CPNE4: variants seen among roughly 807,000 people sequenced by gnomAD.
CPNE4 encodes the protein copine 4.
Under a neutral mutation model 67.9 loss-of-function variants are expected in CPNE4, and 25 were observed. The ratio of observed to expected loss-of-function variants is 0.37; its 90% CI spans 0.27 to 0.51. The LOEUF is 0.51. CPNE4 is among the 20% of genes least tolerant of loss of function. The pLI, the probability that CPNE4 is intolerant of heterozygous loss-of-function variation, is 0.93. For synonymous variants in CPNE4, 242 were observed against 244.9 expected (o/e 0.99, Z 0.11); for missense variants, 464 against 690.8 (o/e 0.67, Z 3.68).
upstream of CPNE4, chr3:132,035,130 C>T: frequency 2.2e-6 from 2 of 908,750 alleles, no homozygotes; most frequent in Non-Finnish European, 2.6e-6. Flanking sequence ...GCTCAGGCCC[C>T]GCCCAGGCCT....
At chr3:131,604,841 G>A (rs1939406647) in intron 7 of CPNE4, among the ~76,000 whole-genome samples, 1 of 152,064 alleles carries the variant, frequency 6.6e-6, no homozygotes, top group Admixed American at 6.6e-5. Flanking sequence ...TATGTGCAAT[G>A]TGGGTTCCAA....
upstream of CPNE4, among the ~76,000 whole-genome samples, chr3:132,035,653 T>C (rs1159897264): frequency 6.6e-6 from 1 of 152,176 alleles, no homozygotes; most frequent in Non-Finnish European, 1.5e-5. Context: ...AGAGAGAAAG[T>C]ATGGCCTTCC....
intron 1 of CPNE4, among the ~76,000 whole-genome samples, chr3:131,973,256 T>C (rs748161135): frequency 1.1e-4 from 17 of 152,186 alleles, no homozygotes; most frequent in Non-Finnish European, 2.1e-4. Context: ...GATTTTTAGG[T>C]GATCTTGAAA....
At chr3:131,546,142 A>G (rs1340528634) in intron 14 of CPNE4, among the ~76,000 whole-genome samples, 1 of 152,172 alleles carries the variant, frequency 6.6e-6, no homozygotes, top group African/African-American at 2.4e-5. Context: ...CAGCTGCTAA[A>G]GGGGTTTGTG....
rs1553757018 is a variant in CPNE4 at position 131,708,995 on chromosome 3, T to TAC, written c.361-9017_361-9016dup. Among the ~76,000 whole-genome samples, 68 of 109,088 alleles carry TAC rather than the reference T, an allele frequency of 6.2e-4. 4 individuals carry two copies. Among genetic ancestry groups the TAC allele is most frequent in the Admixed American group, 8.8e-4 (10 of 11,350 alleles). The allele number at this position is 109,088 out of a possible 152,430, so 71.6% of individuals were successfully genotyped here. A position where few individuals can be genotyped will look rare whatever the true frequency, so the allele number is the denominator to read the frequency against. On this transcript the variant is annotated intron_variant, in intron 3 of 15. Transcript: ENST00000429747. ...ATATATATATATATATATATATATA[T>TAC]ACATACACACATAATAATATAATAC... is the stretch of plus-strand genomic sequence containing the variant.
At chr3:131,763,910 C>A (rs2082948405) in intron 2 of CPNE4, among the ~76,000 whole-genome samples, 1 of 151,948 alleles carries the variant, frequency 6.6e-6, no homozygotes, top group African/African-American at 2.4e-5. Flanking sequence ...ATGGTGCATC[C>A]AATATTGTTT....
intron 1 of CPNE4, among the ~76,000 whole-genome samples, chr3:131,996,154 T>G (rs1442294807): frequency 1.3e-5 from 2 of 152,124 alleles, no homozygotes; most frequent in Non-Finnish European, 2.9e-5. Context: ...GATAAAATGC[T>G]GTCTGTGTTT....
chr3:131,545,318 A>ATAGTT (rs1444735722), intron 14 of CPNE4, among the ~76,000 whole-genome samples: 1 of 152,200 alleles, frequency 6.6e-6, no homozygotes, highest in African/African-American at 2.4e-5. Flanking sequence ...TAGTTTAGTT[A>ATAGTT]TAGTTTATTG....
At chr3:131,675,137 T>C (rs1384670546) in intron 6 of CPNE4, among the ~76,000 whole-genome samples, 1 of 152,164 alleles carries the variant, frequency 6.6e-6, no homozygotes, top group East Asian at 1.9e-4. Flanking sequence ...CCTCTTGTTA[T>C]TGATTTCTAG....
intron 2 of CPNE4, among the ~76,000 whole-genome samples, chr3:131,883,414 T>C (rs1046728423): frequency 2.0e-5 from 3 of 152,166 alleles, no homozygotes; most frequent in Admixed American, 6.5e-5. Context: ...ACCACTGTTA[T>C]CTTCTCCATG....
At chr3:131,887,343 C>T (rs1241216380) in intron 2 of CPNE4, among the ~76,000 whole-genome samples, 1 of 152,204 alleles carries the variant, frequency 6.6e-6, no homozygotes, top group Non-Finnish European at 1.5e-5. Flanking sequence ...CCACGTGGAA[C>T]TGTAAGTCCA....
chr3:131,878,301 G>A (rs2087535214), intron 2 of CPNE4, among the ~76,000 whole-genome samples: 1 of 152,132 alleles, frequency 6.6e-6, no homozygotes, highest in African/African-American at 2.4e-5. Flanking sequence ...GATAATGAAC[G>A]AATGACTACA....
At chr3:131,603,571 G>T (rs948662295) in intron 7 of CPNE4, among the ~76,000 whole-genome samples, 1 of 152,098 alleles carries the variant, frequency 6.6e-6, no homozygotes, top group Non-Finnish European at 1.5e-5. Flanking sequence ...ATTTAGGTTA[G>T]GTACATAATT....
chr3:131,666,710 A>C (rs1436473214), intron 7 of CPNE4, among the ~76,000 whole-genome samples: 1 of 152,220 alleles, frequency 6.6e-6, no homozygotes, highest in African/African-American at 2.4e-5. Context: ...AAATCTGATC[A>C]AGTTCTAAAT....
chr3:131,925,223 C>T (rs2070862021), intron 1 of CPNE4, among the ~76,000 whole-genome samples: 1 of 151,658 alleles, frequency 6.6e-6, no homozygotes, highest in Non-Finnish European at 1.5e-5. Flanking sequence ...CTTCTCTTCC[C>T]CCTTGCACTC....
At chr3:131,899,878 T>C (rs941720791) in intron 2 of CPNE4, among the ~76,000 whole-genome samples, 12 of 152,094 alleles carry the variant, frequency 7.9e-5, no homozygotes, top group Admixed American at 2.0e-4. Context: ...GGCCCACTAT[T>C]ATCCCAAGCA....
chr3:131,565,998 C>T (rs982805897), intron 10 of CPNE4, among the ~76,000 whole-genome samples: 1 of 151,874 alleles, frequency 6.6e-6, no homozygotes, highest in Non-Finnish European at 1.5e-5. Flanking sequence ...GATATTACTC[C>T]ATTTTCATGT....
chr3:131,763,937 G>A (rs2082949028), intron 2 of CPNE4, among the ~76,000 whole-genome samples: 1 of 152,000 alleles, frequency 6.6e-6, no homozygotes, highest in East Asian at 1.9e-4. Context: ...AACACTTACA[G>A]GGTGCATCCT....
At chr3:131,761,545 A>T (rs571495174) in intron 2 of CPNE4, among the ~76,000 whole-genome samples, 12 of 152,144 alleles carry the variant, frequency 7.9e-5, no homozygotes, top group Admixed American at 3.9e-4. Flanking sequence ...AACCCACAAA[A>T]AGTATGGTTC....
Sources: gnomAD v4.1 joint callset for allele counts (sites outside exome capture counted in the v4.1 genomes callset) on GRCh38, gnomAD v4.1.1 for gene constraint, MANE v1.5 for transcripts, NCBI Gene and HGNC (gene_info 2026-07-23, HGNC 2026-07-21) for gene names.